COMMD10: variants seen among roughly 807,000 people sequenced by gnomAD.
COMMD10 encodes COMM domain containing 10.
In COMMD10, 33 loss-of-function variants were observed where a neutral mutation model predicts 28.9. The observed-to-expected ratio is 1.14, with a 90% CI of 0.87 to 1.53. COMMD10 has a LOEUF of 1.53. Among genes scored for constraint, COMMD10 ranks in the 40% most tolerant of loss-of-function variants. The pLI is 0.00. For missense variants in COMMD10, 310 were observed against 233.4 expected, an observed-to-expected ratio of 1.33 and a Z score of -2.14; for synonymous variants, 110 against 81.7, an observed-to-expected ratio of 1.35 and a Z score of -1.87.
chr5:116,099,104 C>T (rs60953939), intron 4 of COMMD10, among the ~76,000 whole-genome samples: 34,302 of 152,014 alleles, frequency 0.23, 4,811 homozygotes, highest in African/African-American at 0.39. Context: ...AAAAGTTGTA[C>T]CCTCTGACCA....
intron 5 of COMMD10, among the ~76,000 whole-genome samples, chr5:116,269,451 T>C (rs958040447): frequency 6.6e-6 from 1 of 151,858 alleles, no homozygotes; most frequent in African/African-American, 2.4e-5. Context: ...TTATAGGTTA[T>C]ATTGACTTTT....
chr5:116,152,845 A>G lies in COMMD10; in HGVS notation c.510+18667A>G, dbSNP rs570647491. Among the ~76,000 whole-genome samples the G allele has an allele frequency of 4.6e-5, 7 of 152,276 alleles. No individual in the cohort carries two copies. In the South Asian group the frequency reaches 1.2e-3, roughly 27 times the overall value. On this transcript the variant is annotated intron_variant, in intron 5 of 6. Transcript: ENST00000274458. ...ATAAGAAAATATGAGAATTATAAGC[A>G]TAAACTTTAAGTAGTTTCATTGACC...
intron 5 of COMMD10, among the ~76,000 whole-genome samples, chr5:116,163,304 G>A (rs1752979131): frequency 6.6e-6 from 1 of 151,764 alleles, no homozygotes; most frequent in Non-Finnish European, 1.5e-5. Context: ...ATAAACCAGG[G>A]CCAGGCATGG....
chr5:116,275,782 A>G (rs181117645), intron 5 of COMMD10, among the ~76,000 whole-genome samples: 1 of 151,844 alleles, frequency 6.6e-6, no homozygotes, highest in East Asian at 1.9e-4. Context: ...AGTTGTATGT[A>G]GAACATCAGA....
intron 5 of COMMD10, among the ~76,000 whole-genome samples, chr5:116,175,657 A>G (rs1474371385): frequency 1.3e-5 from 2 of 152,148 alleles, no homozygotes; most frequent in Admixed American, 1.3e-4. Flanking sequence ...TAAGCAAAAT[A>G]TGGTATATAT....
chr5:116,130,517 A>G (rs537865429), intron 4 of COMMD10, among the ~76,000 whole-genome samples: 4 of 152,124 alleles, frequency 2.6e-5, no homozygotes, highest in Admixed American at 1.3e-4. Flanking sequence ...ACTGTAATCT[A>G]GAAGTTATTT....
intron 5 of COMMD10, among the ~76,000 whole-genome samples, chr5:116,250,472 C>A (rs1055902776): frequency 1.3e-5 from 2 of 151,014 alleles, no homozygotes; most frequent in African/African-American, 4.9e-5. Context: ...AGTAGTTTGG[C>A]TAAAAAGGAA....
In COMMD10 at chr5:116,240,237, A is replaced by G. The variant is rs568940331; in HGVS notation, c.511-51280A>G. Among the ~76,000 whole-genome samples, 21 of 152,240 alleles carry G rather than the reference A, an allele frequency of 1.4e-4. No individual in the cohort carries two copies. In the South Asian group the frequency reaches 3.7e-3, roughly 27 times the overall value. ...GGAGAAATGGAAGACGTAACAAAAAAGAAAAAAGATGAAGAAAAATATGGG... is the reference window on the plus strand; with the variant it reads ...GGAGAAATGGAAGACGTAACAAAAAGGAAAAAAGATGAAGAAAAATATGGG... On this transcript the variant is annotated intron_variant, in intron 5 of 6. Coordinates refer to ENST00000274458, the MANE Select transcript of COMMD10 (RefSeq NM_016144.4).
chr5:116,224,520 G>A (rs939155616), intron 5 of COMMD10, among the ~76,000 whole-genome samples: 4 of 152,142 alleles, frequency 2.6e-5, no homozygotes, highest in Non-Finnish European at 2.9e-5. Flanking sequence ...AGGCAAAAGG[G>A]GAGTTGGCAT....
At chr5:116,185,035 G>A (rs945816166) in intron 5 of COMMD10, among the ~76,000 whole-genome samples, 2 of 152,062 alleles carry the variant, frequency 1.3e-5, no homozygotes, top group Admixed American at 6.6e-5. Context: ...CAAAATGTGT[G>A]ATAAAAGTTT....
At chr5:116,261,603 A>G (rs983432739) in intron 5 of COMMD10, among the ~76,000 whole-genome samples, 7 of 151,794 alleles carry the variant, frequency 4.6e-5, no homozygotes, top group African/African-American at 7.3e-5. Context: ...TTATTGACCA[A>G]AACACTTGAC....
intron 5 of COMMD10, among the ~76,000 whole-genome samples, chr5:116,176,526 GTC>G (rs1753518819): frequency 6.6e-6 from 1 of 152,026 alleles, no homozygotes; most frequent in Non-Finnish European, 1.5e-5. Context: ...AATTTTGTAT[GTC>G]TTCATTTTAA....
intron 5 of COMMD10, among the ~76,000 whole-genome samples, chr5:116,258,123 A>C (rs1471365937): frequency 1.3e-5 from 2 of 151,778 alleles, no homozygotes; most frequent in African/African-American, 4.9e-5. Context: ...AAGGCATATA[A>C]ATTGGATTTC....
At chr5:116,187,616 C>T (rs761322427) in intron 5 of COMMD10, among the ~76,000 whole-genome samples, 5 of 151,992 alleles carry the variant, frequency 3.3e-5, no homozygotes, top group African/African-American at 1.2e-4. Flanking sequence ...CTCTAAATTA[C>T]TTCATATATT....
At chr5:116,209,447 A>T in intron 5 of COMMD10, among the ~76,000 whole-genome samples, 1 of 152,168 alleles carries the variant, frequency 6.6e-6, no homozygotes. Flanking sequence ...AAAGCTTAGA[A>T]TATTCTGTAT....
At chr5:116,286,793 G>A (rs28477574) in intron 5 of COMMD10, among the ~76,000 whole-genome samples, 4 of 151,782 alleles carry the variant, frequency 2.6e-5, no homozygotes, top group Non-Finnish European at 5.9e-5. Context: ...TCTTATCCCA[G>A]AGAATGTTCC....
chr5:116,256,353 G>C (rs1294267642), intron 5 of COMMD10, among the ~76,000 whole-genome samples: 1 of 151,588 alleles, frequency 6.6e-6, no homozygotes, highest in African/African-American at 2.4e-5. Context: ...TCTGACAGTC[G>C]GTAGCTTTGA....
chr5:116,260,064 A>G (rs534865187), intron 5 of COMMD10, among the ~76,000 whole-genome samples: 4 of 151,712 alleles, frequency 2.6e-5, no homozygotes, highest in Admixed American at 2.6e-4. Flanking sequence ...TCTTCTTTTT[A>G]GTAATATATT....
intron 5 of COMMD10, among the ~76,000 whole-genome samples, chr5:116,283,134 G>T (rs1460677783): frequency 6.6e-6 from 1 of 151,810 alleles, no homozygotes; most frequent in Admixed American, 6.6e-5. Context: ...TTTATCTCAA[G>T]AGGAATCATG....
Sources: gnomAD v4.1 joint callset for allele counts (sites outside exome capture counted in the v4.1 genomes callset) on GRCh38, gnomAD v4.1.1 for gene constraint, MANE v1.5 for transcripts, NCBI Gene and HGNC (gene_info 2026-07-23, HGNC 2026-07-21) for gene names.